Variants in SMAD1 observed in about 807,000 individuals in gnomAD.
SMAD1 encodes the protein MAD, mothers against decapentaplegic homolog 1.
SMAD1 carries 6 observed loss-of-function variants against 41.6 expected under a neutral mutation model. That is an observed-to-expected ratio of 0.14 (90% CI 0.08 to 0.28). The LOEUF (loss-of-function observed/expected upper bound fraction) is 0.28. Among genes scored for constraint, SMAD1 ranks in the 10% least tolerant of loss-of-function variants. The probability of loss-of-function intolerance (pLI) is 1.00; values close to 1 mark genes in which losing one functional copy is unlikely to be tolerated. For synonymous variants in SMAD1, 206 were observed against 203.2 expected (o/e 1.01, Z -0.12); for missense variants, 379 against 582.6 (o/e 0.65, Z 3.60).
chr4:145,556,127 AT>A (rs1402403562), intron 6 of SMAD1, among the ~76,000 whole-genome samples: 1 of 152,226 alleles, frequency 6.6e-6, no homozygotes, highest in Non-Finnish European at 1.5e-5. Flanking sequence ...TAAAATGATC[AT>A]TTTTGGATAT....
At chr4:145,505,077 A>C (rs571706189) in intron 1 of SMAD1, among the ~76,000 whole-genome samples, 1 of 152,268 alleles carries the variant, frequency 6.6e-6, no homozygotes, top group East Asian at 1.9e-4. Context: ...TGAAATCATG[A>C]TCTATTTGGA....
At chr4:145,540,776 A>ACTT (rs1461122969) in intron 3 of SMAD1, among the ~76,000 whole-genome samples, 1 of 151,534 alleles carries the variant, frequency 6.6e-6, no homozygotes, top group Admixed American at 6.6e-5. Context: ...TTGCCAGTAG[A>ACTT]CTTTAAGAAA....
chr4:145,500,379 T>C (rs1243127041), intron 1 of SMAD1, among the ~76,000 whole-genome samples: 1 of 152,032 alleles, frequency 6.6e-6, no homozygotes, highest in Non-Finnish European at 1.5e-5. Flanking sequence ...ATCTCTCATT[T>C]CTCTCCCCTC....
chr4:145,528,324 C>T (rs1314927109), intron 2 of SMAD1, among the ~76,000 whole-genome samples: 2 of 152,054 alleles, frequency 1.3e-5, no homozygotes, highest in Non-Finnish European at 2.9e-5. Context: ...AGGCTGGTCT[C>T]GAACTCCTAA....
chr4:145,542,590 C>T lies in SMAD1; in HGVS notation c.667C>T (p.Pro223Ser). The T allele has an allele frequency of 6.2e-7, 1 of 1,604,934 alleles. No individual in the cohort carries two copies. Among genetic ancestry groups the T allele is most frequent in the South Asian group, 1.1e-5 (1 of 89,288 alleles). The change falls in exon 4 of 7, where the codon CCC becomes TCC. Residue 223 changes from proline to serine, a missense_variant. Transcript: ENST00000302085. ...GSPFQMPADT[P>S]PPAYLPPEDP... ...CTTTAAAAACTTTGTAGCTGATACG[C>T]CCCCACCTGCTTACCTGCCTCCTGA...
At chr4:145,513,573 G>T (rs1730209635) in intron 1 of SMAD1, among the ~76,000 whole-genome samples, 1 of 151,998 alleles carries the variant, frequency 6.6e-6, no homozygotes, top group East Asian at 1.9e-4. Flanking sequence ...TTGTCCTGTA[G>T]CCCATAGACA....
intron 1 of SMAD1, chr4:145,497,156 T>G (rs1729125511): frequency 1.3e-5 from 2 of 152,362 alleles, no homozygotes; most frequent in Non-Finnish European, 2.9e-5. Flanking sequence ...TGAATCATAA[T>G]ACATTGTAGA....
intron 2 of SMAD1, among the ~76,000 whole-genome samples, chr4:145,520,764 ATCTC>A (rs143192711): frequency 6.6e-6 from 1 of 152,276 alleles, no homozygotes; most frequent in Non-Finnish European, 1.5e-5. Context: ...AGAGTGTACT[ATCTC>A]TATCTCTTTG....
At position 145,481,954 on chromosome 4, in the gene SMAD1, GCGCCCGGC is replaced by G. The variant is rs1000370637; in HGVS notation, c.-258_-251del. The G allele has an allele frequency of 3.9e-5, 6 of 151,944 alleles. No homozygotes were observed. The highest frequency in any genetic ancestry group is 7.3e-5 in the Non-Finnish European group (5 of 68,038). The allele number at this position is 151,944 out of a possible 1,614,324, so 9.4% of individuals were successfully genotyped here. On this transcript the variant is annotated 5_prime_UTR_variant, in exon 1 of 7. Coordinates refer to ENST00000302085, the MANE Select transcript of SMAD1 (RefSeq NM_005900.3). Reference sequence around the variant, plus strand: ...GGCTCGGGGAGCGGAGAGTGGCGCAGCGCCCGGCCGTCCGGACCCGGGCCGCGAGACCC... The same window carrying G: ...GGCTCGGGGAGCGGAGAGTGGCGCAGCGTCCGGACCCGGGCCGCGAGACCC...
At chr4:145,540,554 T>G (rs1731866389) in intron 3 of SMAD1, among the ~76,000 whole-genome samples, 1 of 152,202 alleles carries the variant, frequency 6.6e-6, no homozygotes, top group Non-Finnish European at 1.5e-5. Flanking sequence ...AAACGTATAC[T>G]TTAACAACAA....
chr4:145,511,395 CCT>C (rs1056875042), intron 1 of SMAD1, among the ~76,000 whole-genome samples: 8 of 152,280 alleles, frequency 5.3e-5, no homozygotes, highest in Middle Eastern at 3.4e-3. Flanking sequence ...GCCTCTGCCC[CCT>C]GAGTGGCTGA....
intron 1 of SMAD1, among the ~76,000 whole-genome samples, chr4:145,499,154 G>C (rs1284866055): frequency 1.3e-5 from 2 of 152,072 alleles, no homozygotes; most frequent in Admixed American, 1.3e-4. Context: ...TTTAACTCCT[G>C]GTTGTTATTC....
chr4:145,519,746 T>G (rs1431254409), intron 2 of SMAD1, among the ~76,000 whole-genome samples: 15 of 152,126 alleles, frequency 9.9e-5, no homozygotes, highest in Admixed American at 8.5e-4. Context: ...CACCAAAACT[T>G]ACTACTTCTA....
intron 5 of SMAD1, 123 bp from the exon 6 acceptor site, chr4:145,553,661 T>G: frequency 1.1e-6 from 1 of 869,818 alleles, no homozygotes; most frequent in East Asian, 2.5e-5. Flanking sequence ...ACCTAGAGAA[T>G]AGCTAGCTAA....
intron 5 of SMAD1, among the ~76,000 whole-genome samples, chr4:145,549,798 T>C (rs1732460036): frequency 6.6e-6 from 1 of 152,190 alleles, no homozygotes; most frequent in South Asian, 2.1e-4. Flanking sequence ...GATATTCTCT[T>C]ATATAATTAA....
chr4:145,485,381 T>C (rs1229128842), intron 1 of SMAD1, among the ~76,000 whole-genome samples: 9 of 152,212 alleles, frequency 5.9e-5, no homozygotes, highest in African/African-American at 1.7e-4. Context: ...CGGCTACTTA[T>C]AGCTATTTAA....
rs1728227503 is a variant in SMAD1 at position 145,482,302 on chromosome 4, C to T, written c.-177+264C>T. Among the ~76,000 whole-genome samples, 1 of 151,804 alleles carries T rather than the reference C, an allele frequency of 6.6e-6. No homozygotes were observed. Among genetic ancestry groups the T allele is most frequent in the African/African-American group, 2.4e-5 (1 of 41,340 alleles). ...CCACGTCTTCTCGCGCCCAGCCCGC[C>T]GGGCTCCCCTGGTGTCTTTGTTGGG... On this transcript the variant is annotated intron_variant, in intron 1 of 6. Coordinates refer to ENST00000302085, the MANE Select transcript of SMAD1 (RefSeq NM_005900.3). This position sits in a 1 kb window ranked among gnomAD's most constrained non-coding sequence, Gnocchi z 4.2.
At chr4:145,510,526 G>T (rs545338493) in intron 1 of SMAD1, among the ~76,000 whole-genome samples, 1 of 151,774 alleles carries the variant, frequency 6.6e-6, no homozygotes, top group African/African-American at 2.4e-5. Context: ...TTAAAGTTTG[G>T]TTCTTTTCAA....
At chr4:145,544,977 T>A (rs545800812) in intron 4 of SMAD1, 18 of 152,344 alleles carry the variant, frequency 1.2e-4, no homozygotes, top group Admixed American at 4.6e-4. Flanking sequence ...AGCTTTAATT[T>A]TTTTTTCCTT....
Sources: gnomAD v4.1 joint callset for allele counts (sites outside exome capture counted in the v4.1 genomes callset) on GRCh38, gnomAD v4.1.1 for gene constraint, Gnocchi (gnomAD v3.1) non-coding constraint, MANE v1.5 for transcripts, NCBI Gene and HGNC (gene_info 2026-07-23, HGNC 2026-07-21) for gene names.